Variants in TPST1 observed in about 807,000 individuals in gnomAD.
The protein encoded by TPST1 is tyrosylprotein sulfotransferase 1.
Under a neutral mutation model 34.8 loss-of-function variants are expected in TPST1, and 20 were observed. The observed-to-expected ratio is 0.57, with a 90% CI of 0.40 to 0.84. The LOEUF (loss-of-function observed/expected upper bound fraction) is 0.84, where lower values mean the gene tolerates loss of function less well. Ranked by LOEUF, TPST1 falls within the 40% of genes least tolerant of loss-of-function variation. The probability of loss-of-function intolerance (pLI) is 0.00; values close to 1 mark genes in which losing one functional copy is unlikely to be tolerated. For missense variants in TPST1, 353 were observed against 455.5 expected, an observed-to-expected ratio of 0.78 and a Z score of 2.05; for synonymous variants, 152 against 159.4, an observed-to-expected ratio of 0.95 and a Z score of 0.35.
At chr7:66,351,647 A>G (rs1792480662) in intron 3 of TPST1, among the ~76,000 whole-genome samples, 1 of 151,546 alleles carries the variant, frequency 6.6e-6, no homozygotes, top group Non-Finnish European at 1.5e-5. Flanking sequence ...TTTTACAATC[A>G]AGTTGAAATT....
intron 3 of TPST1, among the ~76,000 whole-genome samples, chr7:66,323,242 A>G (rs1186728112): frequency 6.6e-6 from 1 of 152,170 alleles, no homozygotes; most frequent in South Asian, 2.1e-4. Flanking sequence ...TGGGCCATCT[A>G]TCCAGACCAG....
At chr7:66,214,041 T>C (rs1789334800) in intron 1 of TPST1, among the ~76,000 whole-genome samples, 1 of 152,202 alleles carries the variant, frequency 6.6e-6, no homozygotes, top group Non-Finnish European at 1.5e-5. Flanking sequence ...ACATGCCACA[T>C]GTTCAACCAT....
At chr7:66,260,234 TA>T (rs1790460951) in intron 2 of TPST1, among the ~76,000 whole-genome samples, 1 of 152,228 alleles carries the variant, frequency 6.6e-6, no homozygotes, top group South Asian at 2.1e-4. Context: ...GATATAAGTC[TA>T]AATATGAAAT....
At chr7:66,350,437 G>A (rs566941403) in intron 3 of TPST1, among the ~76,000 whole-genome samples, 3 of 151,986 alleles carry the variant, frequency 2.0e-5, no homozygotes, top group East Asian at 3.9e-4. Context: ...CCTGCACCCT[G>A]TTCACTTTCC....
At chr7:66,268,580 TAAA>T (rs1415044441) in intron 2 of TPST1, among the ~76,000 whole-genome samples, 4 of 151,938 alleles carry the variant, frequency 2.6e-5, no homozygotes. Flanking sequence ...ATAGGATAAA[TAAA>T]AACCAAAATC....
chr7:66,337,765 A>G (rs1792151575), intron 3 of TPST1, among the ~76,000 whole-genome samples: 1 of 152,210 alleles, frequency 6.6e-6, no homozygotes, highest in Non-Finnish European at 1.5e-5. Flanking sequence ...AAGTTAAGTG[A>G]TTATCAGTTT....
chr7:66,200,940 C>A (rs1562789782), upstream of TPST1, among the ~76,000 whole-genome samples: 1 of 151,962 alleles, frequency 6.6e-6, no homozygotes, highest in Non-Finnish European at 1.5e-5. Flanking sequence ...GTTGACCAGG[C>A]TGGTCTCGAA....
intron 3 of TPST1, among the ~76,000 whole-genome samples, chr7:66,303,472 C>T (rs531626064): frequency 1.2e-3 from 187 of 152,144 alleles, no homozygotes; most frequent in African/African-American, 4.3e-3. Flanking sequence ...TTCAGTGGTG[C>T]GATCTCTGCT....
At chr7:66,323,083 T>G (rs1309608377) in intron 3 of TPST1, among the ~76,000 whole-genome samples, 1 of 152,232 alleles carries the variant, frequency 6.6e-6, no homozygotes, top group East Asian at 1.9e-4. Flanking sequence ...AAATACTTTG[T>G]TCATTTTTAA....
At chr7:66,227,139 T>A (rs894376705) in intron 1 of TPST1, among the ~76,000 whole-genome samples, 6 of 145,972 alleles carry the variant, frequency 4.1e-5, no homozygotes, top group African/African-American at 1.5e-4. Flanking sequence ...GTTCAAGCAA[T>A]TTTCTGCCTC....
chr7:66,343,723 A>C (rs1244865732), intron 3 of TPST1, among the ~76,000 whole-genome samples: 1 of 152,224 alleles, frequency 6.6e-6, no homozygotes, highest in Non-Finnish European at 1.5e-5. Context: ...AAAAACTTAC[A>C]AGACATGCTA....
At chr7:66,221,594 G>A (rs1286500309) in intron 1 of TPST1, 1 of 152,184 alleles carries the variant, frequency 6.6e-6, no homozygotes, top group Non-Finnish European at 1.5e-5. Context: ...GTTGCAAATC[G>A]ATTTGAATCA....
intron 2 of TPST1, among the ~76,000 whole-genome samples, chr7:66,261,428 G>A (rs1790486709): frequency 6.6e-6 from 1 of 151,930 alleles, no homozygotes; most frequent in Non-Finnish European, 1.5e-5. Flanking sequence ...GTACTAGTTT[G>A]CTTTATTTCC....
intron 3 of TPST1, among the ~76,000 whole-genome samples, chr7:66,308,828 G>A (rs1245054159): frequency 6.6e-6 from 1 of 152,156 alleles, no homozygotes; most frequent in Non-Finnish European, 1.5e-5. Context: ...CTGGGATGTA[G>A]TTAGGAGATC....
chr7:66,209,756 TG>T (rs145526740), intron 1 of TPST1, among the ~76,000 whole-genome samples: 2,454 of 152,248 alleles, frequency 0.016, 62 homozygotes, highest in East Asian at 0.093. Context: ...GAAATCAGGA[TG>T]GGTTTTGATT....
At chr7:66,281,936 G>A (rs539234086) in intron 2 of TPST1, among the ~76,000 whole-genome samples, 15 of 152,296 alleles carry the variant, frequency 9.8e-5, no homozygotes, top group Admixed American at 3.9e-4. Context: ...AGGAGTTGCC[G>A]CCACTGTGAC....
intron 3 of TPST1, among the ~76,000 whole-genome samples, chr7:66,292,996 G>A (rs1031950447): frequency 6.6e-6 from 1 of 152,114 alleles, no homozygotes; most frequent in African/African-American, 2.4e-5. Flanking sequence ...CACAAGGTCA[G>A]GAGATCGAGA....
At chr7:66,304,708 A>T (rs1791386399) in intron 3 of TPST1, among the ~76,000 whole-genome samples, 1 of 152,196 alleles carries the variant, frequency 6.6e-6, no homozygotes, top group South Asian at 2.1e-4. Context: ...GCTGTATTTC[A>T]TATTGTGCTT....
intron 2 of TPST1, among the ~76,000 whole-genome samples, chr7:66,275,215 A>T (rs1790782850): frequency 1.3e-5 from 2 of 152,106 alleles, no homozygotes; most frequent in African/African-American, 4.8e-5. Context: ...AAAAAAAAAT[A>T]AAAAAAGATA....
Sources: allele counts gnomAD v4.1 joint callset (sites outside exome capture counted in the v4.1 genomes callset), GRCh38; gene constraint gnomAD v4.1.1; transcripts MANE v1.5; gene names NCBI Gene and HGNC (gene_info 2026-07-23, HGNC 2026-07-21).